Variants in RGL3 observed in about 807,000 individuals in gnomAD.
RGL3 encodes the protein ral guanine nucleotide dissociation stimulator like 3, also known as ral guanine nucleotide dissociation stimulator-like 3.
In RGL3, 85 loss-of-function variants were observed where a neutral mutation model predicts 90.6. The ratio of observed to expected loss-of-function variants is 0.94; its 90% CI spans 0.79 to 1.12. The LOEUF (loss-of-function observed/expected upper bound fraction) is 1.12, where lower values mean the gene tolerates loss of function less well. Among genes scored for constraint, RGL3 ranks in the 50% most tolerant of loss-of-function variants. The pLI is 0.00. For synonymous variants in RGL3, 408 were observed against 385.5 expected, an observed-to-expected ratio of 1.06 and a Z score of -0.68; for missense variants, 1,034 against 939.2, an observed-to-expected ratio of 1.10 and a Z score of -1.32.
At chr19:11,399,283 T>A (rs575417768) in intron 16 of RGL3, among the ~76,000 whole-genome samples, 1 of 152,132 alleles carries the variant, frequency 6.6e-6, no homozygotes, top group African/African-American at 2.4e-5. Flanking sequence ...CAAAAAAGTG[T>A]AGGCTGGGTG....
At chr19:11,400,983 C>A (rs1968666190) in intron 13 of RGL3, among the ~76,000 whole-genome samples, 2 of 151,944 alleles carry the variant, frequency 1.3e-5, no homozygotes, top group South Asian at 4.1e-4. Flanking sequence ...AGAAAGGACA[C>A]AGTTGTCATA....
intron 5 of RGL3, among the ~76,000 whole-genome samples, chr19:11,413,774 C>T (rs1386593848): frequency 2.0e-5 from 3 of 146,348 alleles, no homozygotes; most frequent in African/African-American, 7.5e-5. Context: ...GGCAGAGTCT[C>T]GCTCTGTCAC....
At chr19:11,397,722 A>C in intron 16 of RGL3, 125 bp from the exon 17 acceptor site, 4 of 1,045,406 alleles carry the variant, frequency 3.8e-6, no homozygotes, top group Non-Finnish European at 5.3e-6. Flanking sequence ...TCTCAAGAAA[A>C]CATTGGCTGG....
chr19:11,410,691 C>T (rs551413978), intron 5 of RGL3, among the ~76,000 whole-genome samples: 4 of 151,448 alleles, frequency 2.6e-5, no homozygotes, highest in Admixed American at 2.0e-4. Context: ...CTCCTCCCCC[C>T]ACCCCAAAAA....
At position 11,397,514 on chromosome 19, in the gene RGL3, C is replaced by T; in HGVS notation, c.1830G>A (p.Gln610=). 2 of 1,613,576 alleles carry T rather than the reference C, an allele frequency of 1.2e-6. No homozygotes were observed. Among genetic ancestry groups the T allele is most frequent in the Non-Finnish European group, 1.7e-6 (2 of 1,179,860 alleles). ...CGCGGATGACACGGGCCTCCGAGCT[C>T]TGCTGCGCCGGGAGGGGGATTCGAG... ...GSPRIPLPAQ[Q]SSEARVIRVS... The change falls in exon 17 of 19, where the codon CAG becomes CAA. Residue 610 remains glutamine (Q), a synonymous_variant. Transcript: ENST00000380456.
intron 13 of RGL3, among the ~76,000 whole-genome samples, chr19:11,400,710 C>A (rs1004946121): frequency 2.0e-5 from 3 of 151,644 alleles, no homozygotes; most frequent in African/African-American, 7.3e-5. Context: ...AAAAAATTAG[C>A]CAGGTGTGGT....
chr19:11,418,914 G>A, intron 1 of RGL3, 130 bp from the exon 2 acceptor site: 1 of 757,116 alleles, frequency 1.3e-6, no homozygotes. Flanking sequence ...GAAGCTGCGA[G>A]ACTAGGGCTG....
chr19:11,416,549 G>A (rs1052449464), intron 4 of RGL3, 65 bp downstream of exon 4: 28 of 1,502,444 alleles, frequency 1.9e-5, no homozygotes, highest in East Asian at 6.8e-5. Flanking sequence ...ACCCCAGTCC[G>A]ACTGCTAACC....
rs2144742749 is a variant in RGL3, at chr19:11,416,222, T to TC, written c.426-75_426-74insG. On this transcript the variant is annotated intron_variant, in intron 4 of 18. Transcript: ENST00000380456. ...AGAATATGACTCCTGGTACCTTTTT[T>TC]TTTTTTTTTTTTTTGAGATAGAGTC... 3 of 1,001,548 alleles carry TC rather than the reference T, an allele frequency of 3.0e-6. No homozygotes were observed. The East Asian group carries it at 9.9e-5, about 33-fold the overall frequency. The allele number at this position is 1,001,548 out of a possible 1,614,324, so 62.0% of individuals were successfully genotyped here.
intron 12 of RGL3, 36 bp downstream of exon 12, chr19:11,402,173 CCACCCT>C: frequency 6.2e-7 from 1 of 1,608,234 alleles, no homozygotes; most frequent in East Asian, 2.2e-5. Context: ...TGCCCCACCC[CCACCCT>C]CAGGCACCAC....
At position 11,394,323 on chromosome 19, in the gene RGL3, T is replaced by C. The variant is rs924121571; in HGVS notation, c.*79A>G. 18 of 1,085,998 alleles carry C rather than the reference T, an allele frequency of 1.7e-5. No homozygotes were observed. Among genetic ancestry groups the C allele is most frequent in the Non-Finnish European group, 2.1e-5 (15 of 700,658 alleles). 67.3% of individuals were successfully genotyped at this position (1,085,998 alleles called of 1,614,324 possible). On this transcript the variant is annotated 3_prime_UTR_variant, in exon 19 of 19. Coordinates refer to ENST00000380456, the MANE Select transcript of RGL3 (RefSeq NM_001035223.4). ...GGATACACAGCACAGTGGCCTCTAC[T>C]GGGGGATGGCAGCTTTCCAGGAGAA... is the stretch of plus-strand genomic sequence containing the variant.
chr19:11,399,732 G>A, intron 16 of RGL3, 123 bp downstream of exon 16: 1 of 532,716 alleles, frequency 1.9e-6, no homozygotes. Flanking sequence ...CGCTCAGTGT[G>A]CCTCCTGTAT....
rs899163791 is a variant in RGL3 at position 11,405,055 on chromosome 19, T to C, written c.1185+92A>G. ...AGCGGTAGGGAAGGACAGAGTGTCC[T>C]GACTATAGCAGGGAGATTACCCCTG... On this transcript the variant is annotated intron_variant, in intron 9 of 18. Coordinates refer to ENST00000380456, the MANE Select transcript of RGL3 (RefSeq NM_001035223.4). 6.8e-6 allele frequency: 7 copies of C among 1,028,276 alleles called. No homozygotes were observed. The East Asian group carries it at 1.7e-4, about 24-fold the overall frequency. 63.7% of individuals were successfully genotyped at this position (1,028,276 alleles called of 1,614,324 possible). A position where few individuals can be genotyped will look rare whatever the true frequency, so the allele number is the denominator to read the frequency against.
At chr19:11,416,777 G>A in intron 3 of RGL3, 59 bp downstream of exon 3, 2 of 1,596,550 alleles carry the variant, frequency 1.3e-6, no homozygotes, top group Non-Finnish European at 1.7e-6. Flanking sequence ...GGAGGTGGAG[G>A]GGGGTGCCCA....
In RGL3 at chr19:11,406,771, A is replaced by G. The variant is rs376721121; in HGVS notation, c.731T>C (p.Leu244Pro). 2.5e-6 allele frequency: 4 copies of G among 1,614,008 alleles called. No individual in the cohort carries two copies. In the African/African-American group the frequency reaches 4.0e-5, roughly 16 times the overall value. ...GGCCACCTCGTCCACGCTGAAGTCC[A>G]GGAGCTGGGGACCTTGAGGCATGAG... ...EGLMPQGPQL[L>P]DFSVDEVAEQ... Residue 244 changes from leucine (L) to proline (P), a missense_variant, in exon 6 of 19, where the codon CTG (leucine) becomes CCG (proline). Leu to Pro is a moderately conservative substitution (Grantham distance 98). Coordinates refer to ENST00000380456, the MANE Select transcript of RGL3 (RefSeq NM_001035223.4).
At position 11,406,421 on chromosome 19, in the gene RGL3, G is replaced by A. The variant is rs1599436178; in HGVS notation, c.994C>T (p.Gln332Ter). ...CCCTCTCCGCGCCCGCAACACACCT[G>A]GGCGATGCGGATCCACTTCTCCAGC... Reference protein sequence around the residue: ...QRLEKWIRIAQRCRELRNFSS... With the variant: ...QRLEKWIRIA Residue 332 changes from glutamine (Q) to a stop codon, truncating the protein, a stop_gained and splice_region_variant, in exon 7 of 19, where the codon CAG becomes TAG. Transcript: ENST00000380456. LOFTEE classifies it high-confidence loss of function. The A allele has an allele frequency of 3.9e-6, 6 of 1,535,592 alleles. 1 individual carries two copies. The Admixed American group carries it at 1.2e-4, about 30-fold the overall frequency.
rs1199164625 is a variant in RGL3 at position 11,405,434 on chromosome 19, G to GCGGTGGGGA, written c.997-17_997-9dup. 1 of 1,569,510 alleles carries GCGGTGGGGA rather than the reference G, an allele frequency of 6.4e-7. No individual in the cohort carries two copies. Among genetic ancestry groups the GCGGTGGGGA allele is most frequent in the Admixed American group, 1.9e-5 (1 of 53,552 alleles). On this transcript the variant is annotated splice_polypyrimidine_tract_variant and intron_variant, in intron 7 of 18. Transcript: ENST00000380456. Reference sequence around the variant, plus strand: ...CCGCAGTTCTCGGCAGCGCTGCCAGGCGGTGGGGACGCAGGTCAGACCCAG... The same window carrying GCGGTGGGGA: ...CCGCAGTTCTCGGCAGCGCTGCCAGGCGGTGGGGACGGTGGGGACGCAGGTCAGACCCAG...
At chr19:11,418,260 C>T (rs1408212908) in intron 2 of RGL3, among the ~76,000 whole-genome samples, 1 of 133,272 alleles carries the variant, frequency 7.5e-6, no homozygotes, top group Non-Finnish European at 1.6e-5. Context: ...CGCCCCCGCC[C>T]CACACACTCT....
rs200986082 is a variant in RGL3, at chr19:11,401,976, T to C, written c.1484+35A>G. 9 of 1,509,884 alleles carry C rather than the reference T, an allele frequency of 6.0e-6. No individual in the cohort carries two copies. In the East Asian group the frequency reaches 6.9e-5, roughly 11 times the overall value. 93.5% of individuals were successfully genotyped at this position (1,509,884 alleles called of 1,614,324 possible). On this transcript the variant is annotated intron_variant, in intron 13 of 18. Coordinates refer to ENST00000380456, the MANE Select transcript of RGL3 (RefSeq NM_001035223.4). ...ATCCAGTTGGTGACCCAGGCTCAGC[T>C]GGGGTGGGGCTGGGACAGGCTACAG... is the stretch of plus-strand genomic sequence containing the variant.
Sources: allele counts gnomAD v4.1 joint callset (sites outside exome capture counted in the v4.1 genomes callset), GRCh38; gene constraint gnomAD v4.1.1; transcripts MANE v1.5; gene names NCBI Gene and HGNC (gene_info 2026-07-23, HGNC 2026-07-21).